Variants in ZFAT observed in about 807,000 individuals in gnomAD.
ZFAT encodes the protein zinc finger and AT-hook domain containing, also known as zinc finger protein ZFAT.
ZFAT carries 64 observed loss-of-function variants against 117.7 expected under a neutral mutation model. That is an observed-to-expected ratio of 0.54 (90% CI 0.44 to 0.67). The LOEUF (loss-of-function observed/expected upper bound fraction) is 0.67, where lower values mean the gene tolerates loss of function less well. Among genes scored for constraint, ZFAT ranks in the 30% least tolerant of loss-of-function variants. The pLI is 0.00. For synonymous variants in ZFAT, 679 were observed against 615.0 expected, an observed-to-expected ratio of 1.10 and a Z score of -1.54; for missense variants, 1,433 against 1,584.5, an observed-to-expected ratio of 0.90 and a Z score of 1.62.
At chr8:134,798,623 T>G in the ZFAT span, among the ~76,000 whole-genome samples, 308 of 152,196 alleles carry the variant, frequency 2.0e-3, no homozygotes, top group African/African-American at 7.1e-3. Context: ...TAGCTTCTTC[T>G]AAGAGACAAA....
At chr8:134,729,720 T>C in the ZFAT span, among the ~76,000 whole-genome samples, 1 of 152,124 alleles carries the variant, frequency 6.6e-6, no homozygotes, top group African/African-American at 2.4e-5. Context: ...AAGCAATGCC[T>C]CTGAAGCTTG....
At chr8:134,821,957 A>T in the ZFAT span, among the ~76,000 whole-genome samples, 1 of 152,184 alleles carries the variant, frequency 6.6e-6, no homozygotes, top group Non-Finnish European at 1.5e-5. Context: ...TCTAATAAAC[A>T]TGGAAATGCA....
At chr8:134,756,473 C>T in the ZFAT span, among the ~76,000 whole-genome samples, 2 of 152,216 alleles carry the variant, frequency 1.3e-5, no homozygotes, top group Non-Finnish European at 2.9e-5. Context: ...AAACTCACTG[C>T]CCTCCCCGTT....
intron 15 of ZFAT, among the ~76,000 whole-genome samples, chr8:134,503,915 A>AACACAC (rs144794990): frequency 6.7e-6 from 1 of 149,142 alleles, no homozygotes; most frequent in Non-Finnish European, 1.5e-5. Flanking sequence ...TTTGAACACA[A>AACACAC]ACACACACAC....
At chr8:134,747,372 G>A in the ZFAT span, among the ~76,000 whole-genome samples, 1 of 152,314 alleles carries the variant, frequency 6.6e-6, no homozygotes, top group South Asian at 2.1e-4. Context: ...TTACAGGCAT[G>A]AGCCACTGCA....
At chr8:134,594,410 T>C (rs766487710) in intron 7 of ZFAT, among the ~76,000 whole-genome samples, 1 of 152,238 alleles carries the variant, frequency 6.6e-6, no homozygotes, top group Non-Finnish European at 1.5e-5. Context: ...CAGTGCTTTG[T>C]TGGCAATATA....
upstream of ZFAT, among the ~76,000 whole-genome samples, chr8:134,715,508 C>G (rs905888229): frequency 6.6e-6 from 1 of 152,348 alleles, no homozygotes; most frequent in East Asian, 1.9e-4. Context: ...ACAGCTGGCT[C>G]TTCCACGGCC....
At chr8:134,637,907 T>C (rs1830323468) in intron 2 of ZFAT, among the ~76,000 whole-genome samples, 195 bp from the exon 3 acceptor site, 1 of 152,204 alleles carries the variant, frequency 6.6e-6, no homozygotes, top group Admixed American at 6.5e-5. Flanking sequence ...TACTAATGGG[T>C]AATCAATTTT....
the ZFAT span, among the ~76,000 whole-genome samples, chr8:134,788,406 T>C: frequency 4.6e-5 from 7 of 152,128 alleles, no homozygotes; most frequent in Non-Finnish European, 8.8e-5. Context: ...AATTTCAGAG[T>C]AGTTGCGGGT....
At chr8:134,830,900 A>C in the ZFAT span, among the ~76,000 whole-genome samples, 1 of 152,232 alleles carries the variant, frequency 6.6e-6, no homozygotes, top group African/African-American at 2.4e-5. Context: ...CGTTTGGTAA[A>C]CAGGTAGCAT....
chr8:134,503,468 G>C (rs774926656), intron 15 of ZFAT, among the ~76,000 whole-genome samples: 6 of 152,168 alleles, frequency 3.9e-5, no homozygotes, highest in Non-Finnish European at 7.3e-5. Context: ...AAACATATTT[G>C]TACATGTGTA....
chr8:134,771,152 A>C, the ZFAT span, among the ~76,000 whole-genome samples: 1 of 152,166 alleles, frequency 6.6e-6, no homozygotes, highest in Non-Finnish European at 1.5e-5. Context: ...TCTCTAATAA[A>C]AACATGCTAG....
chr8:134,725,839 T>C, the ZFAT span, among the ~76,000 whole-genome samples: 21 of 152,244 alleles, frequency 1.4e-4, no homozygotes, highest in East Asian at 3.7e-3. Flanking sequence ...CTCACCACTG[T>C]GAAGCCAGGC....
the ZFAT span, among the ~76,000 whole-genome samples, chr8:134,734,282 C>T: frequency 6.6e-6 from 1 of 152,218 alleles, no homozygotes; most frequent in Admixed American, 6.5e-5. Context: ...CTGCCACTTC[C>T]GGCGGCTCCT....
intron 11 of ZFAT, among the ~76,000 whole-genome samples, chr8:134,544,198 C>T (rs973515073): frequency 3.3e-5 from 5 of 152,178 alleles, no homozygotes; most frequent in Non-Finnish European, 5.9e-5. Context: ...CTGCCACCTG[C>T]CTCTCCAGGT....
At chr8:134,534,775 A>AAGAGAAAGAGAG (rs1554640458) in intron 11 of ZFAT, among the ~76,000 whole-genome samples, 1 of 136,344 alleles carries the variant, frequency 7.3e-6, no homozygotes, top group African/African-American at 2.8e-5. Context: ...GAGAGGGAGA[A>AAGAGAAAGAGAG]AGAGAGAGAG....
intron 1 of ZFAT, among the ~76,000 whole-genome samples, chr8:134,695,636 G>A (rs1253976801): frequency 6.8e-6 from 1 of 146,150 alleles, no homozygotes; most frequent in Non-Finnish European, 1.5e-5. Context: ...AACCAAGGTG[G>A]CGCCACTCCC....
chr8:134,820,356 C>T, the ZFAT span, among the ~76,000 whole-genome samples: 1 of 152,190 alleles, frequency 6.6e-6, no homozygotes, highest in Non-Finnish European at 1.5e-5. Context: ...CTCCCAATAA[C>T]CTGTGGAAAT....
intron 10 of ZFAT, among the ~76,000 whole-genome samples, chr8:134,583,538 TG>T (rs1422389927): frequency 1.3e-5 from 2 of 152,130 alleles, no homozygotes; most frequent in African/African-American, 4.8e-5. Flanking sequence ...TTCGGAACCA[TG>T]GATCAAGGCT....
Sources: gnomAD v4.1 joint callset for allele counts (sites outside exome capture counted in the v4.1 genomes callset) on GRCh38, gnomAD v4.1.1 for gene constraint, MANE v1.5 for transcripts, NCBI Gene and HGNC (gene_info 2026-07-23, HGNC 2026-07-21) for gene names.